Variants in TPR observed in about 807,000 individuals in gnomAD.
The protein encoded by TPR is translocated promoter region, nuclear basket protein, also known as nucleoprotein TPR.
In TPR, 51 loss-of-function variants were observed where a neutral mutation model predicts 316.1. That is an observed-to-expected ratio of 0.16 (90% CI 0.13 to 0.20). The LOEUF is 0.20. Among genes scored for constraint, TPR ranks in the 10% least tolerant of loss-of-function variants. The probability of loss-of-function intolerance (pLI) is 1.00; values close to 1 mark genes in which losing one functional copy is unlikely to be tolerated. For synonymous variants in TPR, 981 were observed against 914.7 expected, an observed-to-expected ratio of 1.07 and a Z score of -1.31; for missense variants, 2,272 against 2,754.8, an observed-to-expected ratio of 0.82 and a Z score of 3.92.
Position 186,312,194 on chromosome 1 carries a change from T to C in TPR, c.*1777A>G, listed in dbSNP as rs767032008. ...TAACAGGTGGCAGCATTCAGCAGTATATTTATAAACAGGAACCTGTACAGA... is the reference window on the plus strand; with the variant it reads ...TAACAGGTGGCAGCATTCAGCAGTACATTTATAAACAGGAACCTGTACAGA... On this transcript the variant is annotated 3_prime_UTR_variant, in exon 51 of 51. Transcript: ENST00000367478. 13 of 1,613,842 alleles carry C rather than the reference T, an allele frequency of 8.1e-6. No individual in the cohort carries two copies. Among genetic ancestry groups the C allele is most frequent in the Middle Eastern group, 3.3e-4 (2 of 6,082 alleles).
chr1:186,336,598 T>C lies in TPR; in HGVS notation c.4603A>G (p.Arg1535Gly). 2 of 1,613,980 alleles carry C rather than the reference T, an allele frequency of 1.2e-6. No individual in the cohort carries two copies. Among genetic ancestry groups the C allele is most frequent in the Non-Finnish European group, 1.7e-6 (2 of 1,179,916 alleles). The change falls in exon 33 of 51, where the codon AGA (arginine) becomes GGA (glycine). Residue 1535 changes from arginine (R) to glycine (G), a missense_variant. By Grantham distance (125) the Arg-to-Gly change is moderately radical. Around this residue, in one of 10 missense-constraint regions of TPR, gnomAD observed 101 missense variants for 113.0 expected, o/e 0.89. Transcript: ENST00000367478. ...LSRLRQDLQD[R>G]TTQEEQLRQQ... Reference sequence around the variant, plus strand: ...CGGAGCTGCTCCTCCTGTGTGGTTCTATCTTGAAGATCCTGACGAAGTCGT... The same window carrying C: ...CGGAGCTGCTCCTCCTGTGTGGTTCCATCTTGAAGATCCTGACGAAGTCGT...
intron 23 of TPR, 45 bp from the exon 24 acceptor site, chr1:186,345,741 T>G: frequency 2.2e-6 from 3 of 1,389,734 alleles, no homozygotes; most frequent in Non-Finnish European, 3.0e-6. Context: ...ATTGCAAACT[T>G]ACTTGGAAAA....
chr1:186,323,921 A>C (rs1051218408), intron 42 of TPR, 51 bp from the exon 43 acceptor site: 1 of 1,495,442 alleles, frequency 6.7e-7, no homozygotes, highest in African/African-American at 1.5e-5. Flanking sequence ...ACCACAAAAA[A>C]ACTTGGACAA....
At chr1:186,330,002 A>C (rs1356147510) in intron 39 of TPR, among the ~76,000 whole-genome samples, 2 of 152,240 alleles carry the variant, frequency 1.3e-5, no homozygotes, top group East Asian at 3.9e-4. Flanking sequence ...TGTAACTATG[A>C]GGTATAATGA....
At chr1:186,334,576 TATG>T in intron 35 of TPR, 43 bp from the exon 36 acceptor site, 2 of 1,577,926 alleles carry the variant, frequency 1.3e-6, no homozygotes, top group Non-Finnish European at 1.7e-6. Flanking sequence ...AACAAATTAT[TATG>T]CAAATACTTT....
rs763499933 is a variant in TPR, at chr1:186,336,698, T to C, written c.4507-4A>G. 14 of 1,611,224 alleles carry C rather than the reference T, an allele frequency of 8.7e-6. No homozygotes were observed. Among genetic ancestry groups the C allele is most frequent in the African/African-American group, 4.0e-5 (3 of 74,884 alleles). On this transcript the variant is annotated splice_region_variant and splice_polypyrimidine_tract_variant and intron_variant, in intron 32 of 50. Coordinates refer to ENST00000367478, the MANE Select transcript of TPR (RefSeq NM_003292.3). ...CTGTCTCTTTTTCAGATAATGTCTT[T>C]AAAGGAAAACAAAGTATTCACCATG...
intron 26 of TPR, among the ~76,000 whole-genome samples, 167 bp from the exon 27 acceptor site, chr1:186,343,640 C>T (rs1020221228): frequency 1.3e-5 from 2 of 152,120 alleles, no homozygotes; most frequent in Non-Finnish European, 2.9e-5. Flanking sequence ...CTTTTATAGA[C>T]ACTGGCTTTA....
Position 186,335,369 on chromosome 1 carries a change from T to C in TPR, c.4880A>G (p.Gln1627Arg). Residue 1627 changes from glutamine to arginine, a missense_variant, in exon 34 of 51, where the codon CAG (glutamine) becomes CGG (arginine). Gln to Arg is a conservative substitution (Grantham distance 43). Around this residue, in one of 10 missense-constraint regions of TPR, gnomAD observed 109 missense variants for 215.3 expected, o/e 0.51. Transcript: ENST00000367478. ...AGAAGGTTCTTGAGGCTCATCTCTC[T>C]GCTCAAGGTGTCTCTCTTGATGCTC... ...LREHQERHLE[Q>R]RDEPQEPSNK... 6.2e-7 allele frequency: 1 copy of C among 1,613,714 alleles called. No individual in the cohort carries two copies. Among genetic ancestry groups the C allele is most frequent in the Non-Finnish European group, 8.5e-7 (1 of 1,179,734 alleles).
chr1:186,350,764 G>C (rs976897588), intron 20 of TPR, among the ~76,000 whole-genome samples: 1 of 152,158 alleles, frequency 6.6e-6, no homozygotes, highest in Non-Finnish European at 1.5e-5. Context: ...TGCACACACA[G>C]AGTACCCTGG....
In TPR at chr1:186,343,971, T is replaced by G. The variant is rs774411339; in HGVS notation, c.3537A>C (p.Gln1179His). 1.9e-6 allele frequency: 3 copies of G among 1,614,078 alleles called. No individual in the cohort carries two copies. In the African/African-American group the frequency reaches 4.0e-5, roughly 22 times the overall value. ...KVVASVKEGV[Q>H]GPLNVSLSEE... The stretch of plus-strand genomic sequence containing the variant: ...CACTGAGAGATACATTCAGTGGACC[T>G]TGTACACCTTCCTTCACAGAGGCAA... The change falls in exon 26 of 51, where the codon CAA becomes CAC. Residue 1179 changes from glutamine to histidine, a missense_variant. Transcript: ENST00000367478.
chr1:186,314,162 G>C (rs1255570861), intron 50 of TPR, 136 bp from the exon 51 acceptor site: 1 of 709,040 alleles, frequency 1.4e-6, no homozygotes, highest in Non-Finnish European at 2.3e-6. Flanking sequence ...CAACTTCAAT[G>C]GAAATTATTA....
In TPR at chr1:186,323,914, A is replaced by T. The variant is rs1657841823; in HGVS notation, c.6113-44T>A. 4 of 1,511,446 alleles carry T rather than the reference A, an allele frequency of 2.6e-6. No individual in the cohort carries two copies. The Admixed American group carries it at 1.1e-4, about 41-fold the overall frequency. 93.6% of individuals were successfully genotyped at this position (1,511,446 alleles called of 1,614,324 possible). A position where few individuals can be genotyped will look rare whatever the true frequency, so the allele number is the denominator to read the frequency against. Reference sequence around the variant, plus strand: ...TTACTTTTGAACTGCTAAATTTACCACAAAAAAACTTGGACAATCCCTAGA... The same window carrying T: ...TTACTTTTGAACTGCTAAATTTACCTCAAAAAAACTTGGACAATCCCTAGA... On this transcript the variant is annotated intron_variant, in intron 42 of 50. Coordinates refer to ENST00000367478, the MANE Select transcript of TPR (RefSeq NM_003292.3).
Position 186,338,339 on chromosome 1 carries a change from CT to C in TPR, c.4152-97del, listed in dbSNP as rs1055439931. ...ACTTTATGTTATACTGCTTTAATAACTTTTTTTTTTGAAAATCCTAAAAAAT... is the reference window on the plus strand; with the variant it reads ...ACTTTATGTTATACTGCTTTAATAACTTTTTTTTTGAAAATCCTAAAAAAT... On this transcript the variant is annotated intron_variant, in intron 30 of 50. Transcript: ENST00000367478. 4,053 of 942,576 alleles carry C rather than the reference CT, an allele frequency of 4.3e-3. 1 individual carries two copies. Among genetic ancestry groups the C allele is most frequent in the Non-Finnish European group, 4.4e-3 (2,960 of 668,808 alleles). 58.4% of individuals were successfully genotyped at this position (942,576 alleles called of 1,614,324 possible).
chr1:186,345,361 A>G (rs1028155988), intron 24 of TPR, among the ~76,000 whole-genome samples: 9 of 151,966 alleles, frequency 5.9e-5, no homozygotes, highest in Non-Finnish European at 1.3e-4. Flanking sequence ...TCCTGTTTTT[A>G]TTTTCCCATT....
chr1:186,332,941 T>G (rs1409929980), intron 37 of TPR, among the ~76,000 whole-genome samples, 181 bp downstream of exon 37: 1 of 152,092 alleles, frequency 6.6e-6, no homozygotes, highest in Non-Finnish European at 1.5e-5. Flanking sequence ...TAATTCCTGG[T>G]AGAAAGCATG....
At chr1:186,315,162 C>T (rs182767113) in intron 49 of TPR, among the ~76,000 whole-genome samples, 13 of 150,374 alleles carry the variant, frequency 8.6e-5, no homozygotes, top group African/African-American at 3.2e-4. Context: ...TGAGATCCTG[C>T]CTTAAAAAAC....
intron 21 of TPR, among the ~76,000 whole-genome samples, chr1:186,348,203 C>T (rs774943488): frequency 1.9e-4 from 29 of 152,180 alleles, no homozygotes; most frequent in Middle Eastern, 6.8e-3. Flanking sequence ...CTTTTCCTAG[C>T]AAGGAATATT....
intron 46 of TPR, 34 bp downstream of exon 46, chr1:186,320,278 C>A (rs765193995): frequency 1.9e-6 from 3 of 1,550,222 alleles, no homozygotes; most frequent in African/African-American, 1.4e-5. Flanking sequence ...CAAATACATA[C>A]AAATTCAGGG....
intron 24 of TPR, 143 bp from the exon 25 acceptor site, chr1:186,344,721 AG>A: frequency 9.5e-6 from 6 of 629,312 alleles, no homozygotes; most frequent in Non-Finnish European, 1.4e-5. Context: ...AATAATTAAA[AG>A]TTAATGCTTT....
Sources: allele counts gnomAD v4.1 joint callset (sites outside exome capture counted in the v4.1 genomes callset), GRCh38; gene constraint gnomAD v4.1.1; regional missense constraint gnomAD v4.1.1; transcripts MANE v1.5; gene names NCBI Gene and HGNC (gene_info 2026-07-23, HGNC 2026-07-21).